Variants in RGL1 observed in about 807,000 individuals in gnomAD.
The protein encoded by RGL1 is ral guanine nucleotide dissociation stimulator-like 1.
A neutral mutation model predicts 95.2 loss-of-function variants in RGL1; 24 were observed. The ratio of observed to expected loss-of-function variants is 0.25; its 90% CI spans 0.18 to 0.35. The LOEUF (loss-of-function observed/expected upper bound fraction) is 0.35, where lower values mean the gene tolerates loss of function less well. Among genes scored for constraint, RGL1 ranks in the 10% least tolerant of loss-of-function variants. RGL1 has a pLI of 1.00. For missense variants in RGL1, 715 were observed against 936.3 expected, an observed-to-expected ratio of 0.76 and a Z score of 3.08; for synonymous variants, 329 against 344.9, an observed-to-expected ratio of 0.95 and a Z score of 0.51.
At chr1:183,705,963 CA>C (rs1181897955) in intron 1 of RGL1, among the ~76,000 whole-genome samples, 1 of 151,920 alleles carries the variant, frequency 6.6e-6, no homozygotes, top group Non-Finnish European at 1.5e-5. Context: ...GTAACGTGGA[CA>C]GGGGTGTGGT....
At chr1:183,805,833 C>A (rs1661257640) in intron 1 of RGL1, among the ~76,000 whole-genome samples, 1 of 152,094 alleles carries the variant, frequency 6.6e-6, no homozygotes, top group South Asian at 2.1e-4. Flanking sequence ...CACTTCACTT[C>A]CAAAGGAGTG....
At chr1:183,638,077 T>C (rs1649670036) in intron 1 of RGL1, among the ~76,000 whole-genome samples, 1 of 152,204 alleles carries the variant, frequency 6.6e-6, no homozygotes, top group Admixed American at 6.5e-5. Flanking sequence ...CAAGAGCTAA[T>C]ATATCTCTTC....
intron 1 of RGL1, among the ~76,000 whole-genome samples, chr1:183,706,964 T>C (rs1654953695): frequency 6.6e-6 from 1 of 152,198 alleles, no homozygotes; most frequent in Non-Finnish European, 1.5e-5. Flanking sequence ...GTATACTTTC[T>C]CATGGCTTCA....
intron 2 of RGL1, among the ~76,000 whole-genome samples, chr1:183,757,017 G>GTTTT (rs1334256397): frequency 1.1e-4 from 9 of 80,792 alleles, no homozygotes; most frequent in Admixed American, 2.7e-4. Flanking sequence ...TGGGTGGTTT[G>GTTTT]TTTGTTTTTT....
chr1:183,786,684 T>C (rs1444970328), intron 2 of RGL1, among the ~76,000 whole-genome samples: 1 of 152,092 alleles, frequency 6.6e-6, no homozygotes, highest in African/African-American at 2.4e-5. Context: ...CTAAATAATA[T>C]TAAAAATAGC....
At chr1:183,713,580 AATGTG>A (rs1655441972) in intron 1 of RGL1, among the ~76,000 whole-genome samples, 1 of 152,042 alleles carries the variant, frequency 6.6e-6, no homozygotes. Context: ...AACTCTGATG[AATGTG>A]ATTAAAGGCC....
intron 1 of RGL1, among the ~76,000 whole-genome samples, chr1:183,674,295 G>A (rs1194696896): frequency 6.6e-6 from 1 of 152,014 alleles, no homozygotes; most frequent in Non-Finnish European, 1.5e-5. Flanking sequence ...GATAACATTT[G>A]TACCTATAGT....
chr1:183,914,566 A>T (rs1668849550), intron 15 of RGL1, among the ~76,000 whole-genome samples: 1 of 152,146 alleles, frequency 6.6e-6, no homozygotes, highest in South Asian at 2.1e-4. Flanking sequence ...AAAGTCCTCC[A>T]GACTGTCATT....
At chr1:183,898,857 A>C (rs1284609679) in intron 10 of RGL1, among the ~76,000 whole-genome samples, 1 of 152,210 alleles carries the variant, frequency 6.6e-6, no homozygotes, top group Non-Finnish European at 1.5e-5. Context: ...CTGAGGAAGC[A>C]GCCAGCCTCA....
At chr1:183,906,924 C>G (rs1668364174) in intron 13 of RGL1, 88 bp from the exon 14 acceptor site, 1 of 797,512 alleles carries the variant, frequency 1.3e-6, no homozygotes, top group East Asian at 2.7e-5. Flanking sequence ...AGAGCCTTCT[C>G]TAAAACAAAA....
At chr1:183,669,608 G>A (rs77252607) in intron 1 of RGL1, among the ~76,000 whole-genome samples, 1,979 of 152,276 alleles carry the variant, frequency 0.013, 53 homozygotes, top group African/African-American at 0.046. Flanking sequence ...GATGTACTGG[G>A]TAAAAAGAAC....
intron 3 of RGL1, among the ~76,000 whole-genome samples, chr1:183,864,446 G>A (rs188386781): frequency 1.3e-5 from 2 of 152,284 alleles, no homozygotes; most frequent in East Asian, 1.9e-4. Context: ...TGCACCCACC[G>A]TAATCTCTCC....
intron 2 of RGL1, among the ~76,000 whole-genome samples, chr1:183,837,009 A>G (rs1418880102): frequency 6.6e-6 from 1 of 152,230 alleles, no homozygotes; most frequent in Non-Finnish European, 1.5e-5. Context: ...TCCCATAGGA[A>G]TCGCCTAGGT....
chr1:183,779,870 G>A (rs1342234032), intron 2 of RGL1, among the ~76,000 whole-genome samples: 1 of 152,064 alleles, frequency 6.6e-6, no homozygotes, highest in Non-Finnish European at 1.5e-5. Context: ...GGTATTTTAT[G>A]CATAGTGTGT....
chr1:183,715,763 A>AAGGG (rs760622789), intron 1 of RGL1, among the ~76,000 whole-genome samples: 1 of 141,306 alleles, frequency 7.1e-6, no homozygotes, highest in Non-Finnish European at 1.6e-5. Flanking sequence ...TACATGTAGA[A>AAGGG]AGGGAGGGAG....
At chr1:183,701,508 G>A (rs1013281524) in intron 1 of RGL1, among the ~76,000 whole-genome samples, 1 of 152,278 alleles carries the variant, frequency 6.6e-6, no homozygotes, top group South Asian at 2.1e-4. Flanking sequence ...TCAATCTTTT[G>A]TGCAACCAGT....
intron 13 of RGL1, 139 bp downstream of exon 13, chr1:183,905,110 C>T (rs951450417): frequency 3.4e-5 from 35 of 1,044,006 alleles, no homozygotes; most frequent in East Asian, 2.7e-4. Context: ...TTTTCAAAGG[C>T]GCATGGTGTG....
At chr1:183,813,031 C>A (rs1661827594) in intron 2 of RGL1, among the ~76,000 whole-genome samples, 1 of 152,098 alleles carries the variant, frequency 6.6e-6, no homozygotes, top group Non-Finnish European at 1.5e-5. Context: ...CATTTTAGAA[C>A]AATGACTGAC....
chr1:183,815,984 T>G (rs540463138), intron 2 of RGL1, among the ~76,000 whole-genome samples: 66 of 152,236 alleles, frequency 4.3e-4, no homozygotes, highest in African/African-American at 1.6e-3. Context: ...TTAGCAAGGT[T>G]TTAGGACATG....
Sources: allele counts gnomAD v4.1 joint callset (sites outside exome capture counted in the v4.1 genomes callset), GRCh38; gene constraint gnomAD v4.1.1; transcripts MANE v1.5; gene names NCBI Gene and HGNC (gene_info 2026-07-23, HGNC 2026-07-21).